Variants in SETD7 observed in about 807,000 individuals in gnomAD.
The protein encoded by SETD7 is SET domain containing 7, histone lysine methyltransferase, also known as histone-lysine N-methyltransferase SETD7.
Under a neutral mutation model 41.8 loss-of-function variants are expected in SETD7, and 16 were observed. The ratio of observed to expected loss-of-function variants is 0.38; its 90% confidence interval spans 0.26 to 0.58. The LOEUF is 0.58. Among genes scored for constraint, SETD7 ranks in the 20% least tolerant of loss-of-function variants. The pLI is 0.64. For missense variants in SETD7, 346 were observed against 459.7 expected, an observed-to-expected ratio of 0.75 and a Z score of 2.26; for synonymous variants, 163 against 169.7, an observed-to-expected ratio of 0.96 and a Z score of 0.31.
In SETD7 at chr4:139,499,700, G is replaced by A. The variant is rs373134420; in HGVS notation, c.921-3179C>T. On this transcript the variant is annotated intron_variant, in intron 7 of 7. Coordinates refer to the SETD7 transcript ENST00000506866. ...ACCCCAGCCTCTAAATTCTTGGGAA[G>A]GCAGATTTGAGAAATTTCTCCTGTC... 7.2e-5 allele frequency among the ~76,000 whole-genome samples: 11 copies of A among 152,250 alleles called. No homozygotes were observed. The East Asian group carries it at 1.5e-3, about 21-fold the overall frequency.
chr4:139,530,082 G>T (rs2725787), intron 3 of SETD7, among the ~76,000 whole-genome samples: 70,797 of 151,946 alleles, frequency 0.47, 18,250 homozygotes, highest in Non-Finnish European at 0.56. Flanking sequence ...ATTCTTAAAC[G>T]CTTTTTAAAT....
intron 1 of SETD7, among the ~76,000 whole-genome samples, chr4:139,550,143 T>C (rs55893929): frequency 0.16 from 23,586 of 152,152 alleles, 1,923 homozygotes; most frequent in Middle Eastern, 0.22. Flanking sequence ...CTTTGGGTGC[T>C]GGGATTACAG....
chr4:139,504,534 T>A (rs1029231807), downstream of SETD7, among the ~76,000 whole-genome samples: 4 of 152,314 alleles, frequency 2.6e-5, no homozygotes, highest in African/African-American at 9.6e-5. Flanking sequence ...ACTAGAGGCT[T>A]CTTATTGAAC....
At chr4:139,496,723 G>A (rs1298045577) in intron 7 of SETD7, among the ~76,000 whole-genome samples, 1 of 152,140 alleles carries the variant, frequency 6.6e-6, no homozygotes, top group African/African-American at 2.4e-5. Context: ...ATGTTCCACG[G>A]GGACTGTGTT....
chr4:139,494,578 C>T (rs1483708757), downstream of SETD7, among the ~76,000 whole-genome samples: 1 of 152,088 alleles, frequency 6.6e-6, no homozygotes, highest in African/African-American at 2.4e-5. Context: ...AGAGCATGTA[C>T]CCCAGGGGAT....
intron 5 of SETD7, among the ~76,000 whole-genome samples, chr4:139,521,661 G>C (rs190198500): frequency 6.6e-6 from 1 of 152,180 alleles, no homozygotes. Context: ...CTCAGGGTGG[G>C]TGGAGGATAC....
chr4:139,551,668 A>G (rs1265311525), intron 1 of SETD7, among the ~76,000 whole-genome samples: 1 of 151,856 alleles, frequency 6.6e-6, no homozygotes, highest in Non-Finnish European at 1.5e-5. Context: ...TTTCCCTTAG[A>G]ACCAGAGACC....
chr4:139,521,530 A>G (rs900216757), intron 5 of SETD7, among the ~76,000 whole-genome samples: 1 of 152,170 alleles, frequency 6.6e-6, no homozygotes, highest in Non-Finnish European at 1.5e-5. Flanking sequence ...TTTTAGTTAC[A>G]TGGCTCTTAT....
downstream of SETD7, among the ~76,000 whole-genome samples, chr4:139,502,765 A>T (rs1726610308): frequency 6.6e-6 from 1 of 152,168 alleles, no homozygotes; most frequent in Non-Finnish European, 1.5e-5. Flanking sequence ...ATCACGGAGG[A>T]TGCTTCACGT....
intron 2 of SETD7, among the ~76,000 whole-genome samples, chr4:139,538,179 C>G (rs563861365): frequency 6.6e-6 from 1 of 152,094 alleles, no homozygotes; most frequent in East Asian, 1.9e-4. Flanking sequence ...TATGAGTGAT[C>G]CAATTGACTG....
At chr4:139,512,218 C>T (rs543486171) in intron 7 of SETD7, among the ~76,000 whole-genome samples, 7 of 152,114 alleles carry the variant, frequency 4.6e-5, no homozygotes, top group Non-Finnish European at 7.4e-5. Context: ...CAGTGCAGCC[C>T]GCCAGCATTT....
intron 4 of SETD7, among the ~76,000 whole-genome samples, chr4:139,525,829 A>C (rs1187018815): frequency 1.3e-5 from 2 of 152,190 alleles, no homozygotes; most frequent in Non-Finnish European, 2.9e-5. Context: ...AGATACAAAC[A>C]TGGCAGAACA....
chr4:139,500,439 C>A (rs1726546837), intron 7 of SETD7, among the ~76,000 whole-genome samples: 1 of 152,190 alleles, frequency 6.6e-6, no homozygotes, highest in African/African-American at 2.4e-5. Flanking sequence ...GGGCTAACAG[C>A]AATTACAATT....
intron 7 of SETD7, among the ~76,000 whole-genome samples, chr4:139,497,407 A>T (rs1263231858): frequency 1.3e-5 from 2 of 151,368 alleles, no homozygotes; most frequent in African/African-American, 4.9e-5. Context: ...GTGAGCCGAG[A>T]TTGCGCCATT....
At position 139,511,834 on chromosome 4, in the gene SETD7, G is replaced by C; in HGVS notation, c.930C>G (p.His310Gln). 6.2e-7 allele frequency: 1 copy of C among 1,612,204 alleles called. No homozygotes were observed. Among genetic ancestry groups the C allele is most frequent in the Non-Finnish European group, 8.5e-7 (1 of 1,179,278 alleles). The change falls in exon 8 of 8, where the codon CAC (histidine) becomes CAG (glutamine). Residue 310 changes from histidine (H) to glutamine (Q), a missense_variant. Coordinates refer to ENST00000274031, the MANE Select transcript of SETD7 (RefSeq NM_030648.4). Reference sequence around the variant, plus strand: ...TGCATTTGATGGGCCCAAAACGGGGGTGGACAAACCTAAACATCAAGATGC... The same window carrying C: ...TGCATTTGATGGGCCCAAAACGGGGCTGGACAAACCTAAACATCAAGATGC... ...TPNCIYDMFVHPRFGPIKCIR... is the reference protein window; with the variant it reads ...TPNCIYDMFVQPRFGPIKCIR...
chr4:139,532,628 C>T (rs540221908), intron 3 of SETD7: 68 of 153,914 alleles, frequency 4.4e-4, no homozygotes, highest in Non-Finnish European at 7.1e-4. Context: ...TCATAAAATG[C>T]TATCAAATAC....
At chr4:139,556,031 C>A in intron 1 of SETD7, 67 bp downstream of exon 1, 1 of 1,476,568 alleles carries the variant, frequency 6.8e-7, no homozygotes, top group Non-Finnish European at 9.1e-7. Context: ...CTGTTCGCAG[C>A]CCGCCACTCC....
At chr4:139,539,417 T>C (rs1384390581) in intron 2 of SETD7, among the ~76,000 whole-genome samples, 1 of 152,216 alleles carries the variant, frequency 6.6e-6, no homozygotes, top group Non-Finnish European at 1.5e-5. Context: ...GCTAGAACTA[T>C]TTCCAGCCAG....
chr4:139,521,970 T>TAGAA lies in SETD7; in HGVS notation c.644+1380_644+1383dup, dbSNP rs2111136287. 1.3e-5 allele frequency among the ~76,000 whole-genome samples: 2 copies of TAGAA among 152,340 alleles called. 1 individual carries two copies. The highest frequency in any genetic ancestry group is 3.9e-4 in the East Asian group (2 of 5,190). On this transcript the variant is annotated intron_variant, in intron 5 of 7. Transcript: ENST00000274031. ...AAGTGGCTGAACCTCAGCCAACCTA[T>TAGAA]AGAACTATGGTGTAAAACAAAATGT... is the stretch of plus-strand genomic sequence containing the variant.
Sources: gnomAD v4.1 joint callset for allele counts (sites outside exome capture counted in the v4.1 genomes callset) on GRCh38, gnomAD v4.1.1 for gene constraint, MANE v1.5 for transcripts, NCBI Gene and HGNC (gene_info 2026-07-23, HGNC 2026-07-21) for gene names.